GPC6: variants seen among roughly 807,000 people sequenced by gnomAD.
GPC6 encodes glypican 6.
Under a neutral mutation model 55.2 loss-of-function variants are expected in GPC6, and 14 were observed. The observed-to-expected ratio is 0.25, with a 90% confidence interval of 0.17 to 0.40. The LOEUF (loss-of-function observed/expected upper bound fraction) is 0.40, where lower values mean the gene tolerates loss of function less well. Among genes scored for constraint, GPC6 ranks in the 10% least tolerant of loss-of-function variants. The pLI is 1.00. For synonymous variants in GPC6, 278 were observed against 259.6 expected, an observed-to-expected ratio of 1.07 and a Z score of -0.68; for missense variants, 641 against 708.5, an observed-to-expected ratio of 0.90 and a Z score of 1.08.
intron 4 of GPC6, among the ~76,000 whole-genome samples, chr13:94,186,077 A>AAAAAAAT (rs1373677999): frequency 8.6e-5 from 13 of 151,370 alleles, no homozygotes; most frequent in Admixed American, 7.9e-4. Flanking sequence ...AAAAAAAAAA[A>AAAAAAAT]AAAGGTTTTC....
chr13:93,632,446 A>G (rs1594327124), intron 2 of GPC6, among the ~76,000 whole-genome samples: 4 of 151,746 alleles, frequency 2.6e-5, no homozygotes, highest in Non-Finnish European at 5.9e-5. Context: ...TCATCTCTAC[A>G]AAAAATACAA....
intron 6 of GPC6, among the ~76,000 whole-genome samples, chr13:94,325,691 A>C (rs1392959075): frequency 6.6e-6 from 1 of 152,174 alleles, no homozygotes; most frequent in South Asian, 2.1e-4. Flanking sequence ...TCCCTATTAC[A>C]TATTTTTGTC....
At chr13:93,771,314 G>A (rs1460039399) in intron 2 of GPC6, among the ~76,000 whole-genome samples, 1 of 152,248 alleles carries the variant, frequency 6.6e-6, no homozygotes, top group East Asian at 1.9e-4. Context: ...GCTTCCCACG[G>A]CAGGAAGAAC....
At position 93,597,140 on chromosome 13, in the gene GPC6, G is replaced by C. The variant is rs78513335; in HGVS notation, c.319+51719G>C. 7.1e-3 allele frequency among the ~76,000 whole-genome samples: 1,078 copies of C among 152,128 alleles called. 4 individuals are homozygous for C. The highest frequency in any genetic ancestry group is 0.011 in the Non-Finnish European group (778 of 67,984). On this transcript the variant is annotated intron_variant, in intron 2 of 8. Transcript: ENST00000377047. ...GATGGAGCCAACCCGTATTAGAAAGGGGAATCTCCTGTACTCAATCTATTC... is the reference window on the plus strand; with the variant it reads ...GATGGAGCCAACCCGTATTAGAAAGCGGAATCTCCTGTACTCAATCTATTC...
chr13:93,655,586 A>G (rs1379820741), intron 2 of GPC6, among the ~76,000 whole-genome samples: 3 of 152,170 alleles, frequency 2.0e-5, no homozygotes, highest in Non-Finnish European at 4.4e-5. Flanking sequence ...AAGATTCTAT[A>G]TCAAGGAAAT....
chr13:93,300,647 CAAA>C (rs11386516), intron 1 of GPC6, among the ~76,000 whole-genome samples: 6 of 99,496 alleles, frequency 6.0e-5, no homozygotes, highest in Non-Finnish European at 4.3e-5. Context: ...GACTCTGTCT[CAAA>C]AAAAAAAAAA....
At chr13:93,978,105 T>C (rs1880605767) in intron 3 of GPC6, among the ~76,000 whole-genome samples, 1 of 152,114 alleles carries the variant, frequency 6.6e-6, no homozygotes, top group Non-Finnish European at 1.5e-5. Flanking sequence ...TGGTGTTATG[T>C]GAGAAAAACT....
At chr13:93,688,934 A>G (rs985639554) in intron 2 of GPC6, among the ~76,000 whole-genome samples, 1 of 152,008 alleles carries the variant, frequency 6.6e-6, no homozygotes, top group South Asian at 2.1e-4. Context: ...TGTTAATTAT[A>G]TTTTAGCACA....
intron 4 of GPC6, among the ~76,000 whole-genome samples, chr13:94,139,441 G>T (rs189786497): frequency 6.6e-6 from 1 of 152,270 alleles, no homozygotes; most frequent in East Asian, 1.9e-4. Context: ...GGTAAATGAA[G>T]CTAAATAAAT....
At chr13:93,293,597 T>C (rs1193971662) in intron 1 of GPC6, among the ~76,000 whole-genome samples, 2 of 152,216 alleles carry the variant, frequency 1.3e-5, no homozygotes. Context: ...CTTCCACTTT[T>C]CCCCTGGATG....
intron 7 of GPC6, 115 bp from the exon 8 acceptor site, chr13:94,398,351 T>C (rs1406871296): frequency 1.3e-6 from 1 of 777,178 alleles, no homozygotes; most frequent in Non-Finnish European, 2.2e-6. Flanking sequence ...ATCCAGTTTT[T>C]GCCAGGTGTC....
chr13:93,293,960 T>C (rs1878399547), intron 1 of GPC6, among the ~76,000 whole-genome samples: 1 of 151,230 alleles, frequency 6.6e-6, no homozygotes, highest in Non-Finnish European at 1.5e-5. Flanking sequence ...ATTGTAATGA[T>C]CCCTTTTCAT....
chr13:94,223,371 TCA>T (rs1890446232), intron 4 of GPC6, among the ~76,000 whole-genome samples: 1 of 152,142 alleles, frequency 6.6e-6, no homozygotes, highest in South Asian at 2.1e-4. Context: ...TCTAGAACAC[TCA>T]CTTTTCCTAT....
At chr13:93,415,013 C>T (rs1181917248) in intron 1 of GPC6, among the ~76,000 whole-genome samples, 1 of 152,114 alleles carries the variant, frequency 6.6e-6, no homozygotes, top group Non-Finnish European at 1.5e-5. Context: ...ACACAGTTAA[C>T]ATTTGGTTGA....
In GPC6 at chr13:93,227,981, G is replaced by A. The variant is rs1470616236; in HGVS notation, c.160+365G>A. Among the ~76,000 whole-genome samples, 2 of 152,158 alleles carry A rather than the reference G, an allele frequency of 1.3e-5. No homozygotes were observed. The highest frequency in any genetic ancestry group is 2.9e-5 in the Non-Finnish European group (2 of 68,024). On this transcript the variant is annotated intron_variant, in intron 1 of 8. Transcript: ENST00000377047. This position sits in a 1 kb window ranked among gnomAD's most constrained non-coding sequence, Gnocchi z 4.3. ...GAGCCGAGCCGGGCGCTCACTCCGC[G>A]TTCTGGTTCGGGCAAACTTGGAAGA...
intron 6 of GPC6, among the ~76,000 whole-genome samples, chr13:94,346,549 G>C (rs184214992): frequency 1.3e-5 from 2 of 151,898 alleles, no homozygotes; most frequent in Admixed American, 1.3e-4. Flanking sequence ...GATAAAACCC[G>C]TCTCTACTAA....
chr13:93,249,779 C>T lies in GPC6; in HGVS notation c.160+22163C>T, dbSNP rs1415028174. Among the ~76,000 whole-genome samples, 4 of 152,134 alleles carry T rather than the reference C, an allele frequency of 2.6e-5. No homozygotes were observed. In the East Asian group the frequency reaches 5.8e-4, roughly 22 times the overall value. Reference sequence around the variant, plus strand: ...CTCATTTTACAAGCTTTTGGAAGGACCTTTGGGAAGTTGTGAGCTGCCACC... The same window carrying T: ...CTCATTTTACAAGCTTTTGGAAGGATCTTTGGGAAGTTGTGAGCTGCCACC... On this transcript the variant is annotated intron_variant, in intron 1 of 8. Coordinates refer to ENST00000377047, the MANE Select transcript of GPC6 (RefSeq NM_005708.5).
chr13:94,193,053 G>A (rs775174486), intron 4 of GPC6, among the ~76,000 whole-genome samples: 2 of 137,796 alleles, frequency 1.5e-5, no homozygotes, highest in East Asian at 4.2e-4. Flanking sequence ...TTGAAACGGT[G>A]AGACTCCTCG....
At chr13:94,218,754 G>A (rs1566557199) in intron 4 of GPC6, among the ~76,000 whole-genome samples, 1 of 152,070 alleles carries the variant, frequency 6.6e-6, no homozygotes, top group African/African-American at 2.4e-5. Context: ...AGCCTTTACA[G>A]CAGTGGCTCT....
Sources: allele counts gnomAD v4.1 joint callset (sites outside exome capture counted in the v4.1 genomes callset), GRCh38; gene constraint gnomAD v4.1.1; non-coding constraint Gnocchi (gnomAD v3.1); transcripts MANE v1.5; gene names NCBI Gene and HGNC (gene_info 2026-07-23, HGNC 2026-07-21).